Variants in ARHGAP8 observed in about 807,000 individuals in gnomAD.
ARHGAP8 encodes the protein Rho GTPase activating protein 8.
A neutral mutation model predicts 46.1 loss-of-function variants in ARHGAP8; 62 were observed. The observed-to-expected ratio is 1.34, with a 90% confidence interval of 1.10 to 1.66. The LOEUF (loss-of-function observed/expected upper bound fraction) is 1.66, where lower values mean the gene tolerates loss of function less well. Ranked by LOEUF, ARHGAP8 falls within the 40% of genes most tolerant of loss-of-function variation. The pLI, the probability that ARHGAP8 is intolerant of heterozygous loss-of-function variation, is 0.00. For synonymous variants in ARHGAP8, 375 were observed against 243.1 expected, an observed-to-expected ratio of 1.54 and a Z score of -5.05; for missense variants, 923 against 568.4, an observed-to-expected ratio of 1.62 and a Z score of -6.34.
chr22:44,861,827 C>G (rs181815611), intron 11 of ARHGAP8, among the ~76,000 whole-genome samples: 2 of 152,144 alleles, frequency 1.3e-5, no homozygotes, highest in Admixed American at 6.5e-5. Context: ...GGAGCCCCTT[C>G]TAGCAGGCAA....
At position 44,804,034 on chromosome 22, in the gene ARHGAP8, G is replaced by T. The variant is rs948118991; in HGVS notation, c.167+1870G>T. Among the ~76,000 whole-genome samples, 7 of 151,290 alleles carry T rather than the reference G, an allele frequency of 4.6e-5. No individual in the cohort carries two copies. In the East Asian group the frequency reaches 1.4e-3, roughly 30 times the overall value. Reference sequence around the variant, plus strand: ...AAAGCAGCTTTGGGTCCACAGTCTTGAGCGTGGGCCCGGGCCTCACGCCCT... The same window carrying T: ...AAAGCAGCTTTGGGTCCACAGTCTTTAGCGTGGGCCCGGGCCTCACGCCCT... On this transcript the variant is annotated intron_variant, in intron 3 of 11. Transcript: ENST00000356099.
At chr22:44,795,539 C>G (rs1928019736) in intron 2 of ARHGAP8, among the ~76,000 whole-genome samples, 1 of 152,088 alleles carries the variant, frequency 6.6e-6, no homozygotes, top group Non-Finnish European at 1.5e-5. Context: ...CCAGACAGCA[C>G]AAAGCCCCCT....
intron 10 of ARHGAP8, chr22:44,849,482 G>A: frequency 4.5e-6 from 1 of 221,264 alleles, no homozygotes; most frequent in Non-Finnish European, 9.0e-6. Flanking sequence ...TATATCACAG[G>A]AACTGAGCAG....
At chr22:44,787,765 G>A (rs1602175467) in intron 2 of ARHGAP8, among the ~76,000 whole-genome samples, 1 of 152,104 alleles carries the variant, frequency 6.6e-6, no homozygotes, top group South Asian at 2.1e-4. Context: ...TGAGGGGCCT[G>A]GAATCTTGTC....
intron 2 of ARHGAP8, chr22:44,801,761 C>T (rs988409912): frequency 7.5e-5 from 25 of 332,374 alleles, no homozygotes; most frequent in Non-Finnish European, 1.3e-4. Flanking sequence ...AAGTCAGATG[C>T]GTCTCGATTT....
In ARHGAP8 at chr22:44,832,134, G is replaced by A. The variant is rs115455660; in HGVS notation, c.596+6541G>A. Among the ~76,000 whole-genome samples the A allele has an allele frequency of 4.6e-3, 675 of 147,360 alleles. 6 individuals carry two copies. The highest frequency in any genetic ancestry group is 0.014 in the African/African-American group (576 of 39,974). ...ATTTGGGTCTTTTAACTTTTTTTCA[G>A]TGGTATTTTATGGTTTTCACTGTAC... On this transcript the variant is annotated intron_variant, in intron 7 of 11. Coordinates refer to ENST00000356099, the MANE Select transcript of ARHGAP8 (RefSeq NM_181335.3).
intron 10 of ARHGAP8, chr22:44,850,563 T>G (rs962581496): frequency 2.0e-4 from 31 of 152,278 alleles, no homozygotes; most frequent in African/African-American, 7.2e-4. Flanking sequence ...GGTTCCTGCT[T>G]GAGAAAACTC....
intron 10 of ARHGAP8, among the ~76,000 whole-genome samples, chr22:44,855,787 G>C (rs1268854199): frequency 6.6e-6 from 1 of 152,136 alleles, no homozygotes; most frequent in Non-Finnish European, 1.5e-5. Flanking sequence ...CTCAGAGCTG[G>C]TGATGGCTGG....
intron 4 of ARHGAP8, among the ~76,000 whole-genome samples, chr22:44,813,674 C>A (rs1205456947): frequency 6.6e-6 from 1 of 151,730 alleles, no homozygotes; most frequent in Non-Finnish European, 1.5e-5. Context: ...TACACCTACA[C>A]ACCCCTAGGT....
chr22:44,760,342 T>C (rs1233499890), intron 1 of ARHGAP8, among the ~76,000 whole-genome samples: 2 of 152,168 alleles, frequency 1.3e-5, no homozygotes, highest in African/African-American at 4.8e-5. Flanking sequence ...CATTCAGCCA[T>C]GAGCAAGATC....
chr22:44,852,955 A>G, intron 10 of ARHGAP8, among the ~76,000 whole-genome samples: 1 of 152,072 alleles, frequency 6.6e-6, no homozygotes, highest in East Asian at 1.9e-4. Context: ...GGCCCGTGTC[A>G]CCACGCCTGG....
intron 4 of ARHGAP8, chr22:44,808,945 G>A: frequency 2.6e-6 from 1 of 378,674 alleles, no homozygotes; most frequent in South Asian, 2.0e-5. Context: ...AGCCTCCTGA[G>A]TAGCTGGGAC....
chr22:44,831,422 A>AG (rs1423284130), intron 7 of ARHGAP8, among the ~76,000 whole-genome samples: 3 of 152,106 alleles, frequency 2.0e-5, no homozygotes, highest in Non-Finnish European at 4.4e-5. Context: ...CTGGCCAGGC[A>AG]GGGTGGCTCA....
At chr22:44,821,296 GGTGT>G (rs1930125884) in intron 5 of ARHGAP8, among the ~76,000 whole-genome samples, 4 of 152,016 alleles carry the variant, frequency 2.6e-5, no homozygotes, top group Non-Finnish European at 4.4e-5. Context: ...CAGGCGTGGT[GGTGT>G]GCACCTTAAT....
At chr22:44,860,553 C>CTT (rs1555924049) in intron 11 of ARHGAP8, among the ~76,000 whole-genome samples, 2 of 150,676 alleles carry the variant, frequency 1.3e-5, no homozygotes, top group African/African-American at 4.9e-5. Context: ...AGATCCTCAA[C>CTT]GACAGCTGCA....
chr22:44,776,896 C>T (rs1371034146), intron 1 of ARHGAP8, among the ~76,000 whole-genome samples: 3 of 152,046 alleles, frequency 2.0e-5, no homozygotes, highest in Non-Finnish European at 4.4e-5. Flanking sequence ...CCTCAAGGCC[C>T]ACTGTGCCCT....
At chr22:44,792,885 G>A (rs954523146) in intron 2 of ARHGAP8, among the ~76,000 whole-genome samples, 2 of 151,442 alleles carry the variant, frequency 1.3e-5, no homozygotes, top group East Asian at 3.9e-4. Context: ...GTGCAGTGGC[G>A]CAATCTCGGC....
chr22:44,834,139 CTATT>C (rs1391568734), intron 7 of ARHGAP8, among the ~76,000 whole-genome samples: 1 of 151,936 alleles, frequency 6.6e-6, no homozygotes, highest in Non-Finnish European at 1.5e-5. Context: ...TTCCTATTTT[CTATT>C]TATTTCTACT....
At chr22:44,773,070 C>T (rs1926162447) in intron 1 of ARHGAP8, among the ~76,000 whole-genome samples, 1 of 152,084 alleles carries the variant, frequency 6.6e-6, no homozygotes, top group South Asian at 2.1e-4. Context: ...CCTGCTTTGG[C>T]CTCCCAAAGT....
Sources: gnomAD v4.1 joint callset for allele counts (sites outside exome capture counted in the v4.1 genomes callset) on GRCh38, gnomAD v4.1.1 for gene constraint, MANE v1.5 for transcripts, NCBI Gene and HGNC (gene_info 2026-07-23, HGNC 2026-07-21) for gene names.